PLA2R1: variants seen among roughly 807,000 people sequenced by gnomAD.
PLA2R1 encodes phospholipase A2 receptor 1, also known as secretory phospholipase A2 receptor.
PLA2R1 carries 158 observed loss-of-function variants against 195.9 expected under a neutral mutation model. That is an observed-to-expected ratio of 0.81 (90% CI 0.71 to 0.92). The LOEUF is 0.92. Among genes scored for constraint, PLA2R1 ranks in the 40% least tolerant of loss-of-function variants. PLA2R1 has a pLI of 0.00. For synonymous variants in PLA2R1, 586 were observed against 598.2 expected, an observed-to-expected ratio of 0.98 and a Z score of 0.30; for missense variants, 1,626 against 1,764.6, an observed-to-expected ratio of 0.92 and a Z score of 1.41.
intron 15 of PLA2R1, 120 bp from the exon 16 acceptor site, chr2:159,976,840 A>G: frequency 1.3e-6 from 1 of 758,746 alleles, no homozygotes; most frequent in East Asian, 2.6e-5. Flanking sequence ...ACTTTAAAAC[A>G]GGTACATTGT....
chr2:159,942,234 A>C lies in PLA2R1; in HGVS notation c.4145-75T>G, dbSNP rs537813785. Reference sequence around the variant, plus strand: ...AAAATATGTCATTACTTACTCAGGGATCAGCAAACTATGGCCCATGACCCT... The same window carrying C: ...AAAATATGTCATTACTTACTCAGGGCTCAGCAAACTATGGCCCATGACCCT... On this transcript the variant is annotated intron_variant, in intron 28 of 29. Transcript: ENST00000283243. 36 of 1,114,288 alleles carry C rather than the reference A, an allele frequency of 3.2e-5. No homozygotes were observed. In the South Asian group the frequency reaches 4.6e-4, roughly 14 times the overall value. 69.0% of individuals were successfully genotyped at this position (1,114,288 alleles called of 1,614,324 possible).
chr2:159,964,092 T>C (rs946032199), intron 20 of PLA2R1, among the ~76,000 whole-genome samples: 2 of 152,142 alleles, frequency 1.3e-5, no homozygotes, highest in African/African-American at 4.8e-5. Context: ...TTTTGATATA[T>C]GCTAAAGCAC....
intron 10 of PLA2R1, among the ~76,000 whole-genome samples, chr2:160,010,758 T>G (rs1692304453): frequency 6.6e-6 from 1 of 152,248 alleles, no homozygotes; most frequent in Non-Finnish European, 1.5e-5. Context: ...GTGTGGACCC[T>G]TGTTTCTTCC....
chr2:160,059,849 G>A (rs983749446), intron 1 of PLA2R1, among the ~76,000 whole-genome samples: 3 of 152,168 alleles, frequency 2.0e-5, no homozygotes, highest in Non-Finnish European at 2.9e-5. Context: ...GAGGTTGTGA[G>A]ACTTATTCAC....
At chr2:159,956,465 A>G (rs779382906) in intron 21 of PLA2R1, 45 bp downstream of exon 21, 1 of 957,722 alleles carries the variant, frequency 1.0e-6, no homozygotes, top group Non-Finnish European at 1.7e-6. Flanking sequence ...TAAATACTTG[A>G]ATAAAAATGG....
At chr2:159,950,522 A>G (rs1687666659) in intron 24 of PLA2R1, among the ~76,000 whole-genome samples, 1 of 152,242 alleles carries the variant, frequency 6.6e-6, no homozygotes, top group African/African-American at 2.4e-5. Context: ...GTCTATTCAC[A>G]GGAGAATGGT....
In PLA2R1 at chr2:160,048,837, CA is replaced by C. The variant is rs1473104925; in HGVS notation, c.110-3681del. ...AAAAGGATTCATTTATTAGAAGAAACATTTTTTTTTTTTTTTTTTTTGAGAC... is the reference window on the plus strand; with the variant it reads ...AAAAGGATTCATTTATTAGAAGAAACTTTTTTTTTTTTTTTTTTTTGAGAC... On this transcript the variant is annotated intron_variant, in intron 1 of 29. Transcript: ENST00000283243. 8.1e-3 allele frequency among the ~76,000 whole-genome samples: 1,166 copies of C among 143,766 alleles called. 16 individuals carry two copies. The highest frequency in any genetic ancestry group is 0.044 in the Middle Eastern group (12 of 272). The allele number at this position is 143,766 out of a possible 152,430, so 94.3% of individuals were successfully genotyped here. A position where few individuals can be genotyped will look rare whatever the true frequency, so the allele number is the denominator to read the frequency against.
In PLA2R1 at chr2:160,039,030, C is replaced by A. The variant is rs149157269; in HGVS notation, c.667+2995G>T. Reference sequence around the variant, plus strand: ...TACAGGTGCCTACCACCACACCCAGCTAATTTTGTATTTTTAGTAGAGATG... The same window carrying A: ...TACAGGTGCCTACCACCACACCCAGATAATTTTGTATTTTTAGTAGAGATG... On this transcript the variant is annotated intron_variant, in intron 3 of 29. Transcript: ENST00000283243. Among the ~76,000 whole-genome samples, 471 of 152,104 alleles carry A rather than the reference C, an allele frequency of 3.1e-3. 3 individuals are homozygous for A. The highest frequency in any genetic ancestry group is 0.011 in the African/African-American group (444 of 41,492).
intron 15 of PLA2R1, 68 bp from the exon 16 acceptor site, chr2:159,976,788 A>G: frequency 9.0e-7 from 1 of 1,116,042 alleles, no homozygotes; most frequent in South Asian, 1.2e-5. Context: ...GAATTACTTC[A>G]GCTCTAAACA....
At chr2:159,930,842 G>C (rs1686570605), downstream of PLA2R1, among the ~76,000 whole-genome samples, 1 of 152,122 alleles carries the variant, frequency 6.6e-6, no homozygotes. Context: ...TGCTTCCATA[G>C]GGGACTGTTT....
chr2:159,927,446 T>C (rs1195552385), downstream of PLA2R1, among the ~76,000 whole-genome samples: 1 of 152,160 alleles, frequency 6.6e-6, no homozygotes, highest in Non-Finnish European at 1.5e-5. Context: ...TCTAGGGCCA[T>C]AGGGGGATAT....
Position 159,935,717 on chromosome 2 carries a change from C to G in PLA2R1, c.*6061G>C, listed in dbSNP as rs984044775. On this transcript the variant is annotated 3_prime_UTR_variant, in exon 30 of 30. Coordinates refer to ENST00000283243, the MANE Select transcript of PLA2R1 (RefSeq NM_007366.5). Reference sequence around the variant, plus strand: ...GCAATCAACCACTTTCTCAAGAAGCCTAAGTTCCTTTGACTGGAGATACTA... The same window carrying G: ...GCAATCAACCACTTTCTCAAGAAGCGTAAGTTCCTTTGACTGGAGATACTA... 2.6e-5 allele frequency: 4 copies of G among 152,052 alleles called. No individual in the cohort carries two copies. Among genetic ancestry groups the G allele is most frequent in the Non-Finnish European group, 5.9e-5 (4 of 68,012 alleles). The allele number at this position is 152,052 out of a possible 1,614,324, so 9.4% of individuals were successfully genotyped here.
Position 159,938,981 on chromosome 2 carries a change from T to A in PLA2R1, c.*2797A>T, listed in dbSNP as rs1686959484. ...CTCAGATTCTATAAAGATCCTCAGG[T>A]TAGTCATAGAACATAATTGACTGTT... On this transcript the variant is annotated 3_prime_UTR_variant, in exon 30 of 30. Coordinates refer to ENST00000283243, the MANE Select transcript of PLA2R1 (RefSeq NM_007366.5). 1 of 152,184 alleles carries A rather than the reference T, an allele frequency of 6.6e-6. No individual in the cohort carries two copies. Among genetic ancestry groups the A allele is most frequent in the African/African-American group, 2.4e-5 (1 of 41,446 alleles). 9.4% of individuals were successfully genotyped at this position (152,184 alleles called of 1,614,324 possible).
At chr2:160,046,201 G>T (rs747624636) in intron 1 of PLA2R1, among the ~76,000 whole-genome samples, 1 of 152,258 alleles carries the variant, frequency 6.6e-6, no homozygotes, top group Non-Finnish European at 1.5e-5. Context: ...AGTGCTTGCT[G>T]TTGATGAAAC....
chr2:159,989,436 C>T (rs1302161579), intron 11 of PLA2R1, among the ~76,000 whole-genome samples: 1 of 152,142 alleles, frequency 6.6e-6, no homozygotes, highest in African/African-American at 2.4e-5. Flanking sequence ...CTGCTCCATT[C>T]CCCCGTCCTT....
At chr2:160,004,218 A>G (rs1691810688) in intron 11 of PLA2R1, among the ~76,000 whole-genome samples, 1 of 152,254 alleles carries the variant, frequency 6.6e-6, no homozygotes, top group Non-Finnish European at 1.5e-5. Context: ...AAAAATTTGG[A>G]GTAAAAATAC....
downstream of PLA2R1, chr2:159,931,922 T>C (rs1437103462): frequency 6.6e-6 from 1 of 152,258 alleles, no homozygotes; most frequent in Non-Finnish European, 1.5e-5. Flanking sequence ...ACAATTCTTA[T>C]GATTCCTTCC....
rs75345955 is a variant in PLA2R1 at position 159,974,563 on chromosome 2, G to A, written c.2595+1505C>T. 4.5e-3 allele frequency among the ~76,000 whole-genome samples: 688 copies of A among 152,308 alleles called. 2 individuals are homozygous for A. The highest frequency in any genetic ancestry group is 0.014 in the South Asian group (68 of 4,824). Reference sequence around the variant, plus strand: ...TCTTGTTATTGCCCTCTGAGGTGAGGAGTATGGTGTCTGGCTAAAGAAATG... The same window carrying A: ...TCTTGTTATTGCCCTCTGAGGTGAGAAGTATGGTGTCTGGCTAAAGAAATG... On this transcript the variant is annotated intron_variant, in intron 17 of 29. Transcript: ENST00000283243.
intron 14 of PLA2R1, among the ~76,000 whole-genome samples, chr2:159,978,268 C>A (rs1023210457): frequency 1.3e-5 from 2 of 152,022 alleles, no homozygotes; most frequent in Admixed American, 6.6e-5. Flanking sequence ...AAAGAATCAA[C>A]CTTCTCAATT....
Sources: allele counts gnomAD v4.1 joint callset (sites outside exome capture counted in the v4.1 genomes callset), GRCh38; gene constraint gnomAD v4.1.1; transcripts MANE v1.5; gene names NCBI Gene and HGNC (gene_info 2026-07-23, HGNC 2026-07-21).